The following RBFOX1 variants were observed in gnomAD, a reference collection of about 807,000 sequenced individuals.
The protein encoded by RBFOX1 is RNA binding protein fox-1 homolog 1.
In RBFOX1, 8 loss-of-function variants were observed where a neutral mutation model predicts 57.7. That is an observed-to-expected ratio of 0.14 (90% CI 0.08 to 0.25). The LOEUF (loss-of-function observed/expected upper bound fraction) is 0.25, where lower values mean the gene tolerates loss of function less well. Among genes scored for constraint, RBFOX1 ranks in the 10% least tolerant of loss-of-function variants. The pLI, the probability that RBFOX1 is intolerant of heterozygous loss-of-function variation, is 1.00. For synonymous variants in RBFOX1, 326 were observed against 222.4 expected (o/e 1.47, Z -4.15); for missense variants, 611 against 548.5 (o/e 1.11, Z -1.14).
Position 5,949,462 on chromosome 16 carries a change from C to T in RBFOX1, c.351+82127C>T, listed in dbSNP as rs542512754. 2.2e-5 allele frequency among the ~76,000 whole-genome samples: 3 copies of T among 139,272 alleles called. No homozygotes were observed. In the South Asian group the frequency reaches 6.8e-4, roughly 32 times the overall value. The allele number at this position is 139,272 out of a possible 152,430, so 91.4% of individuals were successfully genotyped here. A position where few individuals can be genotyped will look rare whatever the true frequency, so the allele number is the denominator to read the frequency against. On this transcript the variant is annotated intron_variant, in intron 4 of 19. Coordinates refer to the RBFOX1 transcript ENST00000641259. ...AATGACGTGAACCCGGGAGGCAGAG[C>T]TTGCAGTGAGTCGAGATCACGCCAG...
intron 1 of RBFOX1, among the ~76,000 whole-genome samples, chr16:6,082,428 C>G (rs749655680): frequency 7.4e-6 from 1 of 134,838 alleles, no homozygotes; most frequent in Non-Finnish European, 1.5e-5. Flanking sequence ...CTCCTGACCT[C>G]AGAGTGCTGG....
intron 3 of RBFOX1, chr16:6,704,775 C>A (rs1443047893): frequency 1.3e-5 from 2 of 152,116 alleles, no homozygotes; most frequent in Admixed American, 6.5e-5. Context: ...GAGAACCTTC[C>A]CAAGAACTGT....
intron 4 of RBFOX1, among the ~76,000 whole-genome samples, chr16:7,113,036 C>T (rs961081678): frequency 4.6e-5 from 7 of 152,170 alleles, no homozygotes; most frequent in African/African-American, 9.7e-5. Context: ...GAACTGGAGT[C>T]AGAGAAAGCC....
At chr16:6,209,158 C>T (rs955895097) in intron 1 of RBFOX1, among the ~76,000 whole-genome samples, 2 of 152,210 alleles carry the variant, frequency 1.3e-5, no homozygotes, top group Admixed American at 1.3e-4. Flanking sequence ...AAGGTGAAAT[C>T]TGAGCCCTTA....
intron 3 of RBFOX1, among the ~76,000 whole-genome samples, chr16:6,786,620 G>C (rs886547958): frequency 3.9e-5 from 6 of 152,122 alleles, no homozygotes; most frequent in Non-Finnish European, 5.9e-5. Flanking sequence ...CCTTATGAAG[G>C]GGATGAGGAG....
intron 1 of RBFOX1, among the ~76,000 whole-genome samples, chr16:6,228,773 C>T (rs764337587): frequency 6.6e-6 from 1 of 152,036 alleles, no homozygotes; most frequent in African/African-American, 2.4e-5. Flanking sequence ...ATGTATGGTG[C>T]TCTTGAAAAT....
intron 1 of RBFOX1, among the ~76,000 whole-genome samples, chr16:5,381,427 C>G (rs1393322493): frequency 6.6e-6 from 1 of 152,214 alleles, no homozygotes; most frequent in Non-Finnish European, 1.5e-5. Flanking sequence ...ACTTGGAGAT[C>G]TGGCTCACGT....
At chr16:6,859,120 T>TATAC (rs1373711504) in intron 3 of RBFOX1, among the ~76,000 whole-genome samples, 2,224 of 86,314 alleles carry the variant, frequency 0.026, 87 homozygotes, top group Middle Eastern at 0.046. Context: ...TGTATATATA[T>TATAC]ATATATATAC....
chr16:5,355,962 G>A (rs1052492837), intron 1 of RBFOX1, among the ~76,000 whole-genome samples: 4 of 152,278 alleles, frequency 2.6e-5, no homozygotes, highest in Admixed American at 6.5e-5. Context: ...ATGGTGGCCC[G>A]TGCCTGTAAT....
intron 3 of RBFOX1, among the ~76,000 whole-genome samples, chr16:6,753,625 C>A (rs754364404): frequency 6.6e-6 from 1 of 152,092 alleles, no homozygotes; most frequent in Non-Finnish European, 1.5e-5. Context: ...AGCAACAGAG[C>A]GAAAGGGAGA....
chr16:6,899,168 ATG>A (rs1285814479), intron 3 of RBFOX1, among the ~76,000 whole-genome samples: 15 of 143,988 alleles, frequency 1.0e-4, no homozygotes, highest in East Asian at 1.0e-3. Context: ...TAACATGTGT[ATG>A]TGTGTGTATA....
At chr16:7,143,510 C>T (rs1427435255) in intron 4 of RBFOX1, among the ~76,000 whole-genome samples, 2 of 152,106 alleles carry the variant, frequency 1.3e-5, no homozygotes, top group Non-Finnish European at 2.9e-5. Context: ...CCTACCCCCG[C>T]CCCTGGAGGC....
intron 3 of RBFOX1, among the ~76,000 whole-genome samples, chr16:6,859,152 T>TATATATATACGTATACGTATATATATAC (rs1491258507): frequency 1.3e-5 from 1 of 77,142 alleles, no homozygotes; most frequent in African/African-American, 6.6e-5. Context: ...TATATATATA[T>TATATATATACGTATACGTATATATATAC]GTATATATAT....
chr16:7,618,527 G>C (rs1197706420), intron 10 of RBFOX1, among the ~76,000 whole-genome samples: 2 of 151,962 alleles, frequency 1.3e-5, no homozygotes, highest in Non-Finnish European at 2.9e-5. Flanking sequence ...AACGCAAGGT[G>C]ACATGTTTTT....
At chr16:6,707,114 A>G (rs142662310) in intron 3 of RBFOX1, among the ~76,000 whole-genome samples, 1 of 152,270 alleles carries the variant, frequency 6.6e-6, no homozygotes, top group East Asian at 1.9e-4. Context: ...ATTTCTCCCC[A>G]TATATATTTA....
At chr16:7,118,200 C>A (rs2066335586) in intron 4 of RBFOX1, among the ~76,000 whole-genome samples, 1 of 152,090 alleles carries the variant, frequency 6.6e-6, no homozygotes. Flanking sequence ...ATTTACATTC[C>A]CACCAGCAGC....
intron 9 of RBFOX1, among the ~76,000 whole-genome samples, chr16:7,599,432 A>C (rs2094889688): frequency 6.8e-6 from 1 of 147,546 alleles, no homozygotes. Context: ...TTTTATGACC[A>C]GGGACTGAAA....
At chr16:5,467,278 T>C in intron 2 of RBFOX1, 2 of 1,475,412 alleles carry the variant, frequency 1.4e-6, no homozygotes, top group South Asian at 2.4e-5. Flanking sequence ...TTGTCCTGAC[T>C]TAGGATGTCT....
At chr16:7,653,131 CA>C (rs1244333816) in intron 11 of RBFOX1, among the ~76,000 whole-genome samples, 1 of 152,158 alleles carries the variant, frequency 6.6e-6, no homozygotes, top group Non-Finnish European at 1.5e-5. Flanking sequence ...ATTTTGCATG[CA>C]AATACACCTG....
Sources: allele counts gnomAD v4.1 joint callset (sites outside exome capture counted in the v4.1 genomes callset), GRCh38; gene constraint gnomAD v4.1.1; transcripts MANE v1.5; gene names NCBI Gene and HGNC (gene_info 2026-07-23, HGNC 2026-07-21).